TMEM260: variants seen among roughly 807,000 people sequenced by gnomAD.
TMEM260 encodes the protein protein O-mannosyl-transferase TMEM260.
A neutral mutation model predicts 88.9 loss-of-function variants in TMEM260; 82 were observed. The observed-to-expected ratio is 0.92, with a 90% CI of 0.77 to 1.11. The LOEUF is 1.11. TMEM260 is among the 50% of genes least tolerant of loss of function. TMEM260 has a pLI of 0.00. For synonymous variants in TMEM260, 314 were observed against 309.3 expected (o/e 1.02, Z -0.16); for missense variants, 902 against 853.4 (o/e 1.06, Z -0.71).
rs151210403 is a variant in TMEM260 at position 56,581,358 on chromosome 14, GT to G, written c.160+1286del. ...ATCTTTGATGTTACATCTTCAAATT[GT>G]TACCTTTCTTCTTTCAGGTCCTGTT... On this transcript the variant is annotated intron_variant, in intron 1 of 15. Coordinates refer to ENST00000261556, the MANE Select transcript of TMEM260 (RefSeq NM_017799.4). 6.1e-3 allele frequency among the ~76,000 whole-genome samples: 922 copies of G among 152,270 alleles called. 7 individuals are homozygous for G. Among genetic ancestry groups the G allele is most frequent in the Middle Eastern group, 0.02 (6 of 294 alleles).
At chr14:56,582,488 T>C (rs1239080983) in intron 1 of TMEM260, among the ~76,000 whole-genome samples, 1 of 152,196 alleles carries the variant, frequency 6.6e-6, no homozygotes, top group Non-Finnish European at 1.5e-5. Context: ...TAAAGGGAGC[T>C]GGTTTTTGTA....
At chr14:56,656,057 T>C in the TMEM260 span, among the ~76,000 whole-genome samples, 1 of 152,156 alleles carries the variant, frequency 6.6e-6, no homozygotes, top group African/African-American at 2.4e-5. Context: ...AGAAGCACTG[T>C]ATAGTATAGT....
the TMEM260 span, among the ~76,000 whole-genome samples, chr14:56,658,844 C>G: frequency 1.3e-5 from 2 of 152,240 alleles, no homozygotes; most frequent in Non-Finnish European, 2.9e-5. Flanking sequence ...GATTCTCCTG[C>G]CTCAGCCTCC....
At chr14:56,597,128 G>A (rs1327803145) in intron 3 of TMEM260, among the ~76,000 whole-genome samples, 5 of 152,166 alleles carry the variant, frequency 3.3e-5, no homozygotes, top group South Asian at 2.1e-4. Context: ...AAACAGTTAC[G>A]TGGGAGTTAG....
chr14:56,610,643 G>A (rs1173020400), intron 6 of TMEM260, among the ~76,000 whole-genome samples: 2 of 152,076 alleles, frequency 1.3e-5, no homozygotes, highest in Non-Finnish European at 2.9e-5. Context: ...TGTAGGAGAT[G>A]TTTCATAATA....
At chr14:56,629,041 A>T (rs1212758399) in intron 12 of TMEM260, among the ~76,000 whole-genome samples, 1 of 151,764 alleles carries the variant, frequency 6.6e-6, no homozygotes, top group African/African-American at 2.4e-5. Context: ...GATTACAGGC[A>T]TGTGCCACCA....
intron 11 of TMEM260, among the ~76,000 whole-genome samples, 191 bp from the exon 12 acceptor site, chr14:56,625,191 A>G (rs886317306): frequency 6.6e-6 from 1 of 152,214 alleles, no homozygotes; most frequent in Non-Finnish European, 1.5e-5. Flanking sequence ...GATGATAGTC[A>G]TAATAAAATC....
rs1289783357 is a variant in TMEM260 at position 56,648,065 on chromosome 14, C to T, written c.*568C>T. ...AAGTTTGTGTTTTACTGTCTTAGAT[C>T]GTTCTTGGAAATCACTAAAAAAAAA... is the stretch of plus-strand genomic sequence containing the variant. On this transcript the variant is annotated 3_prime_UTR_variant, in exon 16 of 16. Transcript: ENST00000261556. The T allele has an allele frequency of 6.6e-6, 1 of 151,014 alleles. No homozygotes were observed. Among genetic ancestry groups the T allele is most frequent in the Non-Finnish European group, 1.5e-5 (1 of 67,870 alleles). 9.4% of individuals were successfully genotyped at this position (151,014 alleles called of 1,614,324 possible). A position where few individuals can be genotyped will look rare whatever the true frequency, so the allele number is the denominator to read the frequency against.
chr14:56,620,617 C>A (rs555218878), intron 10 of TMEM260, among the ~76,000 whole-genome samples: 1 of 152,158 alleles, frequency 6.6e-6, no homozygotes, highest in Non-Finnish European at 1.5e-5. Flanking sequence ...AAATGTGCCT[C>A]ATCACTCTGC....
At chr14:56,625,853 G>A (rs1888215879) in intron 12 of TMEM260, among the ~76,000 whole-genome samples, 1 of 152,102 alleles carries the variant, frequency 6.6e-6, no homozygotes, top group South Asian at 2.1e-4. Context: ...TAGTTCCCCT[G>A]ATCAACACTA....
At chr14:56,612,785 A>G (rs989288423) in intron 7 of TMEM260, 1 of 152,546 alleles carries the variant, frequency 6.6e-6, no homozygotes, top group African/African-American at 2.4e-5. Flanking sequence ...ACTGTCAAAT[A>G]TTTTTAGCAC....
rs1890038220 is a variant in TMEM260, at chr14:56,647,442, C to T, written c.2069C>T (p.Ala690Val). 2 of 1,613,574 alleles carry T rather than the reference C, an allele frequency of 1.2e-6. No individual in the cohort carries two copies. The highest frequency in any genetic ancestry group is 2.7e-5 in the African/African-American group (2 of 74,854). Reference sequence around the variant, plus strand: ...CCACAGCAAGCTGATATTTTAGGTGCTCTAAAGCACCTAAGAAAAGAACTG... The same window carrying T: ...CCACAGCAAGCTGATATTTTAGGTGTTCTAAAGCACCTAAGAAAAGAACTG... ...NDPQQADILG[A>V]LKHLRKELQS... The change falls in exon 16 of 16, where the codon GCT becomes GTT. Residue 690 changes from alanine to valine, a missense_variant. Coordinates refer to ENST00000261556, the MANE Select transcript of TMEM260 (RefSeq NM_017799.4).
Position 56,618,678 on chromosome 14 carries a change from C to A in TMEM260, c.1141C>A (p.Arg381=). The A allele has an allele frequency of 6.2e-7, 1 of 1,614,112 alleles. No homozygotes were observed. Among genetic ancestry groups the A allele is most frequent in the Non-Finnish European group, 8.5e-7 (1 of 1,180,010 alleles). ...GLAAVVSETN[R]VLNSNGLQCL... Reference sequence around the variant, plus strand: ...GGCTGCAGTTGTGTCTGAGACTAACCGAGTGCTGAATAGCAATGGGCTTCA... The same window carrying A: ...GGCTGCAGTTGTGTCTGAGACTAACAGAGTGCTGAATAGCAATGGGCTTCA... The change falls in exon 10 of 16, where the codon CGA becomes AGA. Residue 381 remains arginine (R), a synonymous_variant. Coordinates refer to ENST00000261556, the MANE Select transcript of TMEM260 (RefSeq NM_017799.4).
intron 1 of TMEM260, among the ~76,000 whole-genome samples, chr14:56,582,658 G>T (rs1885211792): frequency 6.6e-6 from 1 of 152,186 alleles, no homozygotes; most frequent in Admixed American, 6.5e-5. Context: ...GGAGGTGTGG[G>T]CAAGGAATCT....
intron 7 of TMEM260, among the ~76,000 whole-genome samples, chr14:56,614,093 G>A (rs1357838651): frequency 6.6e-6 from 1 of 151,204 alleles, no homozygotes; most frequent in Non-Finnish European, 1.5e-5. Flanking sequence ...ATTTTTAGTA[G>A]AGACAGGGTC....
chr14:56,637,824 A>G (rs938935547), intron 15 of TMEM260, among the ~76,000 whole-genome samples: 1 of 150,980 alleles, frequency 6.6e-6, no homozygotes, highest in African/African-American at 2.4e-5. Flanking sequence ...CTCCATAGCA[A>G]ATAGTGTGTT....
At chr14:56,617,388 C>A in intron 9 of TMEM260, 91 bp downstream of exon 9, 2 of 724,238 alleles carry the variant, frequency 2.8e-6, no homozygotes, top group Non-Finnish European at 2.3e-6. Context: ...GGGCAAATTA[C>A]TTGAGGAATA....
At chr14:56,658,132 C>T in the TMEM260 span, among the ~76,000 whole-genome samples, 1 of 152,170 alleles carries the variant, frequency 6.6e-6, no homozygotes, top group Non-Finnish European at 1.5e-5. Context: ...GGCTCTTATC[C>T]CACACCCTTG....
chr14:56,600,602 G>T (rs1276762348), intron 3 of TMEM260, among the ~76,000 whole-genome samples: 2 of 152,170 alleles, frequency 1.3e-5, no homozygotes, highest in East Asian at 1.9e-4. Flanking sequence ...TTAGCCATTA[G>T]GAAAATGCAA....
Sources: gnomAD v4.1 joint callset for allele counts (sites outside exome capture counted in the v4.1 genomes callset) on GRCh38, gnomAD v4.1.1 for gene constraint, MANE v1.5 for transcripts, NCBI Gene and HGNC (gene_info 2026-07-23, HGNC 2026-07-21) for gene names.